VAX2: variants seen among roughly 807,000 people sequenced by gnomAD.
The protein encoded by VAX2 is ventral anterior homeobox 2.
VAX2 carries 8 observed loss-of-function variants against 12.5 expected under a neutral mutation model. The observed-to-expected ratio is 0.64, with a 90% CI of 0.37 to 1.15. The LOEUF is 1.15. Ranked by LOEUF, VAX2 falls within the 50% of genes most tolerant of loss-of-function variation. The pLI, the probability that VAX2 is intolerant of heterozygous loss-of-function variation, is 0.01. For synonymous variants in VAX2, 183 were observed against 187.6 expected (o/e 0.98, Z 0.20); for missense variants, 476 against 412.9 (o/e 1.15, Z -1.32).
chr2:70,917,180 C>T lies in VAX2; in HGVS notation c.248-3918C>T, dbSNP rs1323155915. Among the ~76,000 whole-genome samples the T allele has an allele frequency of 9.5e-5, 14 of 147,428 alleles. No individual in the cohort carries two copies. In the South Asian group the frequency reaches 1.1e-3, roughly 11 times the overall value. ...AAAAAAAAAAAAAAAAAATCAGCCGCGCATGGTGGCAGGTGCCTGTAACCC... is the reference window on the plus strand; with the variant it reads ...AAAAAAAAAAAAAAAAAATCAGCCGTGCATGGTGGCAGGTGCCTGTAACCC... On this transcript the variant is annotated intron_variant, in intron 1 of 2. Transcript: ENST00000234392.
chr2:70,927,775 C>A (rs1014668354), intron 2 of VAX2, among the ~76,000 whole-genome samples: 6 of 151,992 alleles, frequency 3.9e-5, no homozygotes. Context: ...GGGGGCAGTG[C>A]CATGGGTCAC....
intron 2 of VAX2, chr2:70,924,473 G>C (rs1261037276): frequency 1.3e-5 from 2 of 152,114 alleles, no homozygotes; most frequent in African/African-American, 4.8e-5. Flanking sequence ...TGGGATTATA[G>C]GTGTGAGCCA....
At chr2:70,909,048 T>TCTCC (rs1679126537) in intron 1 of VAX2, among the ~76,000 whole-genome samples, 1 of 152,256 alleles carries the variant, frequency 6.6e-6, no homozygotes, top group Non-Finnish European at 1.5e-5. Context: ...CTGTAGAAAC[T>TCTCC]CTATGTATTG....
intron 2 of VAX2, among the ~76,000 whole-genome samples, chr2:70,923,692 C>G (rs79697459): frequency 2.0e-5 from 3 of 152,182 alleles, no homozygotes; most frequent in Non-Finnish European, 2.9e-5. Flanking sequence ...ATAAATGACA[C>G]GAGTGAGGAA....
chr2:70,904,504 C>A lies in VAX2; in HGVS notation c.247+3636C>A, dbSNP rs1378810634. Among the ~76,000 whole-genome samples, 1 of 152,238 alleles carries A rather than the reference C, an allele frequency of 6.6e-6. No homozygotes were observed. The highest frequency in any genetic ancestry group is 1.5e-5 in the Non-Finnish European group (1 of 68,050). The stretch of plus-strand genomic sequence containing the variant: ...CGGGAAATTCTGTCCACCAGCGTCA[C>A]CCAACACAGCAACTTTTACAGACAA... On this transcript the variant is annotated intron_variant, in intron 1 of 2. Transcript: ENST00000234392. This position sits in a 1 kb window ranked among gnomAD's most constrained non-coding sequence, Gnocchi z 4.2.
At chr2:70,930,837 C>A (rs1553414211) in intron 2 of VAX2, among the ~76,000 whole-genome samples, 1 of 152,222 alleles carries the variant, frequency 6.6e-6, no homozygotes, top group African/African-American at 2.4e-5. Context: ...TCTTCCTGAC[C>A]TTTTCTTATT....
chr2:70,905,886 G>A (rs1156786816), intron 1 of VAX2, among the ~76,000 whole-genome samples: 1 of 152,220 alleles, frequency 6.6e-6, no homozygotes, highest in Admixed American at 6.5e-5. Flanking sequence ...AGGAGAGAGG[G>A]TGTCTATGCA....
In VAX2 at chr2:70,900,682, G is replaced by C. The variant is rs1207872757; in HGVS notation, c.61G>C (p.Gly21Arg). ...CGCGCGCCGGGCGGAGTCTGGTGGC[G>C]GCGGTGGGCGCTGCGGAGACCGCAG... Reference protein sequence around the residue: ...GPARRAESGGGGGRCGDRSGA... With the variant: ...GPARRAESGGRGGRCGDRSGA... Residue 21 changes from glycine (G) to arginine (R), a missense_variant, in exon 1 of 3, where the codon GGC (glycine) becomes CGC (arginine). Transcript: ENST00000234392. The C allele has an allele frequency of 7.7e-7, 1 of 1,296,592 alleles. No individual in the cohort carries two copies. Among genetic ancestry groups the C allele is most frequent in the South Asian group, 2.3e-5 (1 of 43,176 alleles). The allele number at this position is 1,296,592 out of a possible 1,614,324, so 80.3% of individuals were successfully genotyped here. A position where few individuals can be genotyped will look rare whatever the true frequency, so the allele number is the denominator to read the frequency against.
chr2:70,907,868 G>C (rs782358003), intron 1 of VAX2, among the ~76,000 whole-genome samples: 8 of 152,220 alleles, frequency 5.3e-5, no homozygotes, highest in Non-Finnish European at 7.4e-5. Context: ...TTCATAGGCT[G>C]TTTTGCAATT....
intron 1 of VAX2, among the ~76,000 whole-genome samples, chr2:70,918,879 A>G (rs1679372963): frequency 6.6e-6 from 1 of 150,452 alleles, no homozygotes; most frequent in Non-Finnish European, 1.5e-5. Context: ...AAAAAAAAAA[A>G]AAAGAATTAC....
chr2:70,927,365 C>T (rs782227449), intron 2 of VAX2, among the ~76,000 whole-genome samples: 9 of 151,750 alleles, frequency 5.9e-5, no homozygotes, highest in East Asian at 1.9e-4. Flanking sequence ...AATATCCCCC[C>T]GGGATGCCCA....
At chr2:70,901,106 TC>T (rs1678913363) in intron 1 of VAX2, among the ~76,000 whole-genome samples, 1 of 152,242 alleles carries the variant, frequency 6.6e-6, no homozygotes, top group South Asian at 2.1e-4. Context: ...CTCGGGCCAG[TC>T]CCCTAGTTCT....
At chr2:70,914,531 A>G (rs1370844434) in intron 1 of VAX2, among the ~76,000 whole-genome samples, 5 of 152,182 alleles carry the variant, frequency 3.3e-5, no homozygotes, top group African/African-American at 9.7e-5. Context: ...GATGGACTCA[A>G]TTATGGTTCT....
At chr2:70,901,163 C>T (rs1442755944) in intron 1 of VAX2, among the ~76,000 whole-genome samples, 1 of 152,210 alleles carries the variant, frequency 6.6e-6, no homozygotes, top group Non-Finnish European at 1.5e-5. Context: ...AAATGGAGTG[C>T]GGGATGCTGA....
chr2:70,903,685 G>C (rs1553410095), intron 1 of VAX2, among the ~76,000 whole-genome samples: 1 of 152,156 alleles, frequency 6.6e-6, no homozygotes, highest in Non-Finnish European at 1.5e-5. Flanking sequence ...AATATTTGTT[G>C]ACAGAAGGAA....
At chr2:70,914,456 A>C (rs955709292) in intron 1 of VAX2, among the ~76,000 whole-genome samples, 1 of 152,246 alleles carries the variant, frequency 6.6e-6, no homozygotes, top group Non-Finnish European at 1.5e-5. Context: ...ATCTCAAAAA[A>C]TAAAATAAAA....
intron 1 of VAX2, among the ~76,000 whole-genome samples, chr2:70,914,860 G>A (rs182228552): frequency 1.1e-3 from 162 of 149,718 alleles, no homozygotes; most frequent in African/African-American, 3.7e-3. Flanking sequence ...GGAGTGCAAC[G>A]GTGCGATCTT....
intron 1 of VAX2, 133 bp downstream of exon 1, chr2:70,901,001 ATAT>A (rs1188154696): frequency 5.0e-6 from 5 of 1,007,242 alleles, no homozygotes; most frequent in Middle Eastern, 3.6e-4. Context: ...CATTCAGCAA[ATAT>A]TATTTTGAGC....
At position 70,900,832 on chromosome 2, in the gene VAX2, G is replaced by T. The variant is rs540096264; in HGVS notation, c.211G>T (p.Gly71Cys). The T allele has an allele frequency of 7.5e-6, 11 of 1,467,806 alleles. No individual in the cohort carries two copies. The highest frequency in any genetic ancestry group is 9.9e-6 in the Non-Finnish European group (11 of 1,109,642). 90.9% of individuals were successfully genotyped at this position (1,467,806 alleles called of 1,614,324 possible). A position where few individuals can be genotyped will look rare whatever the true frequency, so the allele number is the denominator to read the frequency against. ...CGACAGCGACGGGCAGCCCGGGCCCGGCGAGGCAGACCACTGCCGCCGCAT... is the reference window on the plus strand; with the variant it reads ...CGACAGCGACGGGCAGCCCGGGCCCTGCGAGGCAGACCACTGCCGCCGCAT... ...GADSDGQPGP[G>C]EADHCRRILV... The change falls in exon 1 of 3, where the codon GGC becomes TGC. Residue 71 changes from glycine (G) to cysteine (C), a missense_variant. By Grantham distance (159) the Gly-to-Cys change is radical. Coordinates refer to ENST00000234392, the MANE Select transcript of VAX2 (RefSeq NM_012476.3).
Sources: gnomAD v4.1 joint callset for allele counts (sites outside exome capture counted in the v4.1 genomes callset) on GRCh38, gnomAD v4.1.1 for gene constraint, Gnocchi (gnomAD v3.1) non-coding constraint, MANE v1.5 for transcripts, NCBI Gene and HGNC (gene_info 2026-07-23, HGNC 2026-07-21) for gene names.